The following EGF variants were observed in gnomAD, a reference collection of about 807,000 sequenced individuals.
EGF encodes epidermal growth factor.
Under a neutral mutation model 143.8 loss-of-function variants are expected in EGF, and 95 were observed. That is an observed-to-expected ratio of 0.66 (90% confidence interval 0.56 to 0.78). EGF has a LOEUF of 0.78. Ranked by LOEUF, EGF falls within the 30% of genes least tolerant of loss-of-function variation. The probability of loss-of-function intolerance (pLI) is 0.00; values close to 1 mark genes in which losing one functional copy is unlikely to be tolerated. For missense variants in EGF, 1,320 were observed against 1,470.9 expected, an observed-to-expected ratio of 0.90 and a Z score of 1.68; for synonymous variants, 510 against 510.5, an observed-to-expected ratio of 1.00 and a Z score of 0.01.
At chr4:109,927,649 G>A (rs1184634059) in intron 1 of EGF, among the ~76,000 whole-genome samples, 1 of 151,316 alleles carries the variant, frequency 6.6e-6, no homozygotes, top group Admixed American at 6.6e-5. Flanking sequence ...GCGCGAACCC[G>A]GGAGGCAGAG....
intron 15 of EGF, among the ~76,000 whole-genome samples, chr4:109,981,985 C>T (rs1749440391): frequency 6.7e-6 from 1 of 150,344 alleles, no homozygotes. Context: ...GGCTGGAGTA[C>T]AGTGGCATGT....
At chr4:109,946,828 G>A (rs1742943649) in intron 5 of EGF, among the ~76,000 whole-genome samples, 1 of 152,064 alleles carries the variant, frequency 6.6e-6, no homozygotes, top group African/African-American at 2.4e-5. Context: ...GAATTCTTTA[G>A]CATGTAATTG....
intron 21 of EGF, among the ~76,000 whole-genome samples, chr4:110,000,380 A>C (rs1752422847): frequency 6.6e-6 from 1 of 152,026 alleles, no homozygotes; most frequent in Non-Finnish European, 1.5e-5. Flanking sequence ...ATACACCTTC[A>C]TAGTATATGT....
chr4:109,997,231 G>T lies in EGF; in HGVS notation c.3005+2351G>T, dbSNP rs114765418. ...ATGAGCCAGTTAATTGATCCGGGTG[G>T]TGTCAGCTGATCCATCAAGTGCAGG... On this transcript the variant is annotated intron_variant, in intron 20 of 23. Coordinates refer to ENST00000265171, the MANE Select transcript of EGF (RefSeq NM_001963.6). Among the ~76,000 whole-genome samples, 958 of 152,168 alleles carry T rather than the reference G, an allele frequency of 6.3e-3. 14 individuals carry two copies. Among genetic ancestry groups the T allele is most frequent in the African/African-American group, 0.022 (911 of 41,490 alleles).
At chr4:109,984,384 A>AT (rs1190573874) in intron 16 of EGF, among the ~76,000 whole-genome samples, 2 of 152,102 alleles carry the variant, frequency 1.3e-5, no homozygotes, top group Admixed American at 6.6e-5. Flanking sequence ...TATCAGTGTG[A>AT]TTTTTTTATA....
chr4:109,963,191 A>T lies in EGF; in HGVS notation c.1331A>T (p.Asn444Ile). The T allele has an allele frequency of 6.2e-7, 1 of 1,614,056 alleles. No homozygotes were observed. Among genetic ancestry groups the T allele is most frequent in the Non-Finnish European group, 8.5e-7 (1 of 1,179,956 alleles). Residue 444 changes from asparagine to isoleucine, a missense_variant, in exon 9 of 24, where the codon AAT (asparagine) becomes ATT (isoleucine). Coordinates refer to ENST00000265171, the MANE Select transcript of EGF (RefSeq NM_001963.6). ...TTTGTAGGTTGTTCCTCACCCGATA[A>T]TGGTGGATGTAGCCAGCTCTGCGTT... Reference protein sequence around the residue: ...KTCSGCSSPDNGGCSQLCVPL... With the variant: ...KTCSGCSSPDIGGCSQLCVPL...
intron 9 of EGF, among the ~76,000 whole-genome samples, chr4:109,963,927 A>G (rs1026483486): frequency 6.6e-6 from 1 of 152,218 alleles, no homozygotes; most frequent in African/African-American, 2.4e-5. Flanking sequence ...TCATTAATAT[A>G]GTGTAATCTA....
chr4:109,956,719 T>G (rs1744853538), intron 5 of EGF, among the ~76,000 whole-genome samples: 2 of 152,182 alleles, frequency 1.3e-5, no homozygotes, highest in Non-Finnish European at 1.5e-5. Context: ...TGGAATCAAT[T>G]ATCCATAAGA....
chr4:109,983,907 G>T (rs755418822), intron 16 of EGF, among the ~76,000 whole-genome samples: 1 of 152,224 alleles, frequency 6.6e-6, no homozygotes, highest in Non-Finnish European at 1.5e-5. Flanking sequence ...CTGAAAAGTT[G>T]ATAGTAATTG....
intron 8 of EGF, 146 bp from the exon 9 acceptor site, chr4:109,963,027 T>C: frequency 1.1e-6 from 1 of 926,918 alleles, no homozygotes; most frequent in Non-Finnish European, 1.7e-6. Context: ...AGAGTGCCAT[T>C]GCACTCCAGC....
At position 109,993,381 on chromosome 4, in the gene EGF, G is replaced by A. The variant is rs778615345; in HGVS notation, c.2857+12G>A. ...ACTGATTTGCCCTGGTAGGTTGGTG[G>A]GTGGTCTACAGTGAAGGGGAGGGAC... is the stretch of plus-strand genomic sequence containing the variant. On this transcript the variant is annotated intron_variant, in intron 19 of 23. Transcript: ENST00000265171. 7.4e-6 allele frequency: 12 copies of A among 1,612,950 alleles called. No homozygotes were observed. The highest frequency in any genetic ancestry group is 9.3e-6 in the Non-Finnish European group (11 of 1,179,486).
At chr4:109,932,797 A>G (rs984818314) in intron 1 of EGF, among the ~76,000 whole-genome samples, 1 of 152,192 alleles carries the variant, frequency 6.6e-6, no homozygotes, top group African/African-American at 2.4e-5. Flanking sequence ...AGCATGCATG[A>G]TACACATAGC....
In EGF at chr4:109,974,720, G is replaced by A. The variant is rs2126099748; in HGVS notation, c.1742G>A (p.Arg581Lys). Residue 581 changes from arginine to lysine, a missense_variant, in exon 12 of 24, where the codon AGG (arginine) becomes AAG (lysine). Around this residue, in one of 5 missense-constraint regions of EGF, gnomAD observed 1,186 missense variants for 1,313.7 expected, o/e 0.90. Transcript: ENST00000265171. ...TATTTTAGGAAATCTCTGATTGGAA[G>A]GAGTGATTTAAATGGGAAACGTTCC... is the stretch of plus-strand genomic sequence containing the variant. ...WTDRGKSLIG[R>K]SDLNGKRSKI... The A allele has an allele frequency of 1.2e-6, 2 of 1,613,042 alleles. No homozygotes were observed. The highest frequency in any genetic ancestry group is 1.7e-6 in the Non-Finnish European group (2 of 1,179,156).
Position 109,986,465 on chromosome 4 carries a change from C to T in EGF, c.2492-1279C>T, listed in dbSNP as rs140779870. Among the ~76,000 whole-genome samples the T allele has an allele frequency of 1.1e-3, 174 of 152,302 alleles. 1 individual carries two copies. The highest frequency in any genetic ancestry group is 4.1e-3 in the African/African-American group (170 of 41,568). On this transcript the variant is annotated intron_variant, in intron 16 of 23. Coordinates refer to ENST00000265171, the MANE Select transcript of EGF (RefSeq NM_001963.6). ...CAAGCATGAAAGGCATCTGCTCCCA[C>T]AAGAGAAATCTTCTCGCTCAAGTAG...
chr4:110,011,289 A>T lies in EGF; in HGVS notation c.3458A>T (p.Asp1153Val), dbSNP rs1300453421. The T allele has an allele frequency of 6.2e-7, 1 of 1,614,154 alleles. No homozygotes were observed. The highest frequency in any genetic ancestry group is 2.2e-5 in the East Asian group (1 of 44,878). The change falls in exon 24 of 24, where the codon GAT becomes GTT. Residue 1153 changes from aspartate (D) to valine (V), a missense_variant. Physicochemically the swap from Asp to Val is radical, Grantham distance 152. Transcript: ENST00000265171. ...GGCTGCTGGATTCCAGTATCCAGTG[A>T]TAAGGGCTCCTGTCCCCAGGTAATG... ...EQGCWIPVSS[D>V]KGSCPQVMER...
chr4:109,956,717 A>G (rs947278240), intron 5 of EGF, among the ~76,000 whole-genome samples: 1 of 152,218 alleles, frequency 6.6e-6, no homozygotes, highest in African/African-American at 2.4e-5. Flanking sequence ...TTTGGAATCA[A>G]TTATCCATAA....
chr4:109,974,585 A>G, intron 11 of EGF, 118 bp from the exon 12 acceptor site: 2 of 751,834 alleles, frequency 2.7e-6, no homozygotes, highest in Admixed American at 4.1e-5. Flanking sequence ...AGAGAGAAAC[A>G]GAAATAGGAG....
intron 21 of EGF, among the ~76,000 whole-genome samples, chr4:110,002,861 G>A (rs560971607): frequency 1.8e-4 from 27 of 151,962 alleles, no homozygotes; most frequent in Non-Finnish European, 3.5e-4. Context: ...TCCTTTCTTT[G>A]TGTTCCTGAG....
At position 110,013,530 on chromosome 4, in the gene EGF, A is replaced by T. The variant is rs1195135228; in HGVS notation, c.*2075A>T. 2.0e-5 allele frequency among the ~76,000 whole-genome samples: 3 copies of T among 152,080 alleles called. No individual in the cohort carries two copies. The highest frequency in any genetic ancestry group is 7.2e-5 in the African/African-American group (3 of 41,428). On this transcript the variant is annotated 3_prime_UTR_variant, in exon 24 of 24. Transcript: ENST00000265171. ...AGAGATATCTTCTTCTTGCAACTTC[A>T]CATCTTTATCAGTAATGTCCTCTTT...
Sources: allele counts gnomAD v4.1 joint callset (sites outside exome capture counted in the v4.1 genomes callset), GRCh38; gene constraint gnomAD v4.1.1; regional missense constraint gnomAD v4.1.1; transcripts MANE v1.5; gene names NCBI Gene and HGNC (gene_info 2026-07-23, HGNC 2026-07-21).